The following FAM114A1 variants were observed in gnomAD, a reference collection of about 807,000 sequenced individuals.
FAM114A1 encodes the protein protein NOXP20.
In FAM114A1, 62 loss-of-function variants were observed where a neutral mutation model predicts 64.3. That is an observed-to-expected ratio of 0.96 (90% confidence interval 0.79 to 1.19). The LOEUF (loss-of-function observed/expected upper bound fraction) is 1.19. Ranked by LOEUF, FAM114A1 falls within the 50% of genes most tolerant of loss-of-function variation. The probability of loss-of-function intolerance (pLI) is 0.00; values close to 1 mark genes in which losing one functional copy is unlikely to be tolerated. For missense variants in FAM114A1, 645 were observed against 676.3 expected (o/e 0.95, Z 0.51); for synonymous variants, 254 against 251.1 (o/e 1.01, Z -0.11).
chr4:38,926,155 G>C (rs1224194088), intron 9 of FAM114A1, among the ~76,000 whole-genome samples: 2 of 152,244 alleles, frequency 1.3e-5, no homozygotes, highest in Non-Finnish European at 2.9e-5. Context: ...AGAGGAGGCA[G>C]TGGAAGCTGA....
chr4:38,942,970 A>T (rs6851870), intron 14 of FAM114A1, among the ~76,000 whole-genome samples: 171 of 151,998 alleles, frequency 1.1e-3, no homozygotes, highest in African/African-American at 3.8e-3. Context: ...CGAGGTGGGC[A>T]GATACGAAGT....
At chr4:38,914,681 G>A (rs1718868547) in intron 7 of FAM114A1, 1 of 433,632 alleles carries the variant, frequency 2.3e-6, no homozygotes, top group Admixed American at 3.7e-5. Flanking sequence ...TTATTCCCAG[G>A]CATTGAATTT....
intron 9 of FAM114A1, among the ~76,000 whole-genome samples, chr4:38,925,530 GC>G (rs1221121581): frequency 6.6e-6 from 1 of 152,028 alleles, no homozygotes; most frequent in African/African-American, 2.4e-5. Flanking sequence ...GTTCCTAAAA[GC>G]CCCCTAACAA....
chr4:38,937,367 C>T (rs932417242), intron 13 of FAM114A1, among the ~76,000 whole-genome samples: 2 of 152,196 alleles, frequency 1.3e-5, no homozygotes, highest in Non-Finnish European at 2.9e-5. Context: ...GGCTGCAAAA[C>T]TCCAGTCTCT....
rs763900636 is a variant in FAM114A1 at position 38,908,637 on chromosome 4, G to A, written c.703G>A (p.Gly235Ser). 5 of 1,613,112 alleles carry A rather than the reference G, an allele frequency of 3.1e-6. No individual in the cohort carries two copies. Among genetic ancestry groups the A allele is most frequent in the Non-Finnish European group, 4.2e-6 (5 of 1,179,370 alleles). ...TGGLDALEFIGKKTMNVLAES... is the reference protein window; with the variant it reads ...TGGLDALEFISKKTMNVLAES... ...AGGCCTTGATGCGTTGGAATTCATC[G>A]GCAAGAAAACCATGAATGTCCTTGC... is the stretch of plus-strand genomic sequence containing the variant. The change falls in exon 7 of 15, where the codon GGC becomes AGC. Residue 235 changes from glycine (G) to serine (S), a missense_variant. Coordinates refer to ENST00000358869, the MANE Select transcript of FAM114A1 (RefSeq NM_138389.4).
intron 4 of FAM114A1, among the ~76,000 whole-genome samples, chr4:38,904,469 C>T (rs891482167): frequency 5.3e-5 from 8 of 152,236 alleles, no homozygotes; most frequent in Non-Finnish European, 8.8e-5. Flanking sequence ...TGAATAACCG[C>T]TCTGCCTGGC....
chr4:38,921,495 C>G (rs1719585855), intron 8 of FAM114A1, among the ~76,000 whole-genome samples: 1 of 152,182 alleles, frequency 6.6e-6, no homozygotes, highest in Non-Finnish European at 1.5e-5. Context: ...CTCCTGGGCT[C>G]AAGTGATCCT....
chr4:38,936,334 T>A (rs1435541981), intron 13 of FAM114A1, among the ~76,000 whole-genome samples: 9 of 152,000 alleles, frequency 5.9e-5, no homozygotes, highest in Non-Finnish European at 1.2e-4. Context: ...GACCTCGTGA[T>A]CCGCCCACCT....
intron 6 of FAM114A1, 42 bp from the exon 7 acceptor site, chr4:38,908,542 GAAACAGCA>G (rs758925327): frequency 2.5e-5 from 37 of 1,509,844 alleles, no homozygotes; most frequent in Non-Finnish European, 3.2e-5. Flanking sequence ...TGACTGCTGC[GAAACAGCA>G]AAACCTAAAC....
chr4:38,940,566 A>C (rs1721508072), intron 13 of FAM114A1, among the ~76,000 whole-genome samples: 2 of 152,192 alleles, frequency 1.3e-5, no homozygotes, highest in Non-Finnish European at 2.9e-5. Context: ...AAATATCAAA[A>C]TTTTAAGTAA....
chr4:38,921,974 G>A (rs568098035), intron 8 of FAM114A1, among the ~76,000 whole-genome samples: 69 of 151,958 alleles, frequency 4.5e-4, no homozygotes, highest in Non-Finnish European at 8.8e-4. Context: ...ATGGAGTCTC[G>A]CTCTGTCACC....
intron 2 of FAM114A1, among the ~76,000 whole-genome samples, chr4:38,877,431 C>T (rs1311679027): frequency 6.6e-6 from 1 of 152,068 alleles, no homozygotes; most frequent in Non-Finnish European, 1.5e-5. Flanking sequence ...CTCACACGTG[C>T]AGTTCACAAT....
rs117163186 is a variant in FAM114A1, at chr4:38,894,768, G to A, written c.436+2938G>A. ...TCATGCAATATCAGAATGAAGTTCAGTATACCCTCTTGTATTAGTTTCTGT... is the reference window on the plus strand; with the variant it reads ...TCATGCAATATCAGAATGAAGTTCAATATACCCTCTTGTATTAGTTTCTGT... On this transcript the variant is annotated intron_variant, in intron 4 of 14. Coordinates refer to ENST00000358869, the MANE Select transcript of FAM114A1 (RefSeq NM_138389.4). Among the ~76,000 whole-genome samples the A allele has an allele frequency of 1.1e-4, 17 of 152,308 alleles. No homozygotes were observed. In the East Asian group the frequency reaches 3.1e-3, roughly 28 times the overall value.
intron 4 of FAM114A1, among the ~76,000 whole-genome samples, chr4:38,901,287 G>GTT (rs796954819): frequency 8.2e-5 from 12 of 147,094 alleles, no homozygotes; most frequent in African/African-American, 3.0e-4. Context: ...ATATTCTCTT[G>GTT]TTTTTTTTTT....
chr4:38,920,427 A>G (rs895102642), intron 8 of FAM114A1, among the ~76,000 whole-genome samples: 2 of 152,174 alleles, frequency 1.3e-5, no homozygotes, highest in African/African-American at 4.8e-5. Context: ...TGATTATGTC[A>G]TATTTATTAT....
intron 7 of FAM114A1, among the ~76,000 whole-genome samples, chr4:38,911,378 C>T (rs755116021): frequency 1.3e-5 from 2 of 152,176 alleles, no homozygotes; most frequent in Admixed American, 6.5e-5. Context: ...CAGTGATTGA[C>T]AGGGAAGAGC....
At chr4:38,916,118 C>T (rs578139375) in intron 8 of FAM114A1, among the ~76,000 whole-genome samples, 6 of 152,294 alleles carry the variant, frequency 3.9e-5, no homozygotes, top group African/African-American at 1.4e-4. Context: ...TGATGCCTGT[C>T]TAATCAGAGA....
intron 7 of FAM114A1, among the ~76,000 whole-genome samples, chr4:38,911,649 G>C (rs1018190903): frequency 6.6e-6 from 1 of 152,148 alleles, no homozygotes; most frequent in African/African-American, 2.4e-5. Flanking sequence ...AAAAGCAGTT[G>C]TCAGGGATGG....
intron 6 of FAM114A1, among the ~76,000 whole-genome samples, chr4:38,906,136 C>T (rs991122980): frequency 3.3e-5 from 5 of 152,146 alleles, no homozygotes; most frequent in African/African-American, 1.2e-4. Context: ...TTTCCAGCTG[C>T]GGCAAGGACA....
Sources: gnomAD v4.1 joint callset for allele counts (sites outside exome capture counted in the v4.1 genomes callset) on GRCh38, gnomAD v4.1.1 for gene constraint, MANE v1.5 for transcripts, NCBI Gene and HGNC (gene_info 2026-07-23, HGNC 2026-07-21) for gene names.